The following ANGPTL2 variants were observed in gnomAD, a reference collection of about 807,000 sequenced individuals.
ANGPTL2 encodes the protein angiopoietin-related protein 2.
Under a neutral mutation model 52.8 loss-of-function variants are expected in ANGPTL2, and 25 were observed. The observed-to-expected ratio is 0.47, with a 90% CI of 0.35 to 0.66. ANGPTL2 has a LOEUF of 0.66. ANGPTL2 is among the 30% of genes least tolerant of loss of function. The pLI is 0.01. For synonymous variants in ANGPTL2, 276 were observed against 277.4 expected, an observed-to-expected ratio of 1.00 and a Z score of 0.05; for missense variants, 546 against 656.9, an observed-to-expected ratio of 0.83 and a Z score of 1.84.
intron 2 of ANGPTL2, among the ~76,000 whole-genome samples, chr9:127,094,448 C>A (rs928249713): frequency 6.6e-6 from 1 of 152,188 alleles, no homozygotes; most frequent in Non-Finnish European, 1.5e-5. Context: ...ACAGTTGGCA[C>A]CCTTCAATTC....
chr9:127,118,947 G>A (rs2055748694), intron 1 of ANGPTL2, among the ~76,000 whole-genome samples: 1 of 152,230 alleles, frequency 6.6e-6, no homozygotes, highest in Non-Finnish European at 1.5e-5. Context: ...TGTGGGTGAT[G>A]AGGACCTGAG....
Position 127,088,252 on chromosome 9 carries a change from G to A in ANGPTL2, c.*687C>T, listed in dbSNP as rs1236903917. The A allele has an allele frequency of 1.3e-5, 2 of 152,230 alleles. No individual in the cohort carries two copies. The highest frequency in any genetic ancestry group is 4.8e-5 in the African/African-American group (2 of 41,438). 9.4% of individuals were successfully genotyped at this position (152,230 alleles called of 1,614,324 possible). ...GAATGGGGAAAAGTATGAAAATGTG[G>A]GGGGAGGGATTTTGAAATTTGATTA... On this transcript the variant is annotated 3_prime_UTR_variant, in exon 5 of 5. Coordinates refer to ENST00000373425, the MANE Select transcript of ANGPTL2 (RefSeq NM_012098.3).
rs1052212716 is a variant in ANGPTL2 at position 127,094,025 on chromosome 9, G to C, written c.818-99C>G. The C allele has an allele frequency of 2.5e-5, 34 of 1,373,166 alleles. No homozygotes were observed. The Admixed American group carries it at 6.4e-4, about 26-fold the overall frequency. 85.1% of individuals were successfully genotyped at this position (1,373,166 alleles called of 1,614,324 possible). A position where few individuals can be genotyped will look rare whatever the true frequency, so the allele number is the denominator to read the frequency against. On this transcript the variant is annotated intron_variant, in intron 2 of 4. Coordinates refer to ENST00000373425, the MANE Select transcript of ANGPTL2 (RefSeq NM_012098.3). Reference sequence around the variant, plus strand: ...AGGCACAACCTCTGTTGAGGCTCCAGCTGGGAGCCACAGGCCCACGGTCTG... The same window carrying C: ...AGGCACAACCTCTGTTGAGGCTCCACCTGGGAGCCACAGGCCCACGGTCTG...
intron 1 of ANGPTL2, among the ~76,000 whole-genome samples, chr9:127,115,957 A>G (rs560115776): frequency 3.3e-5 from 5 of 152,266 alleles, no homozygotes; most frequent in African/African-American, 1.2e-4. Flanking sequence ...CTGGCTGAGG[A>G]TGCTATGAAT....
intron 2 of ANGPTL2, among the ~76,000 whole-genome samples, chr9:127,094,361 A>G (rs547129901): frequency 6.6e-6 from 1 of 152,244 alleles, no homozygotes; most frequent in Admixed American, 6.5e-5. Flanking sequence ...AACATCAGTC[A>G]GTGCCTGCAG....
rs1564558832 is a variant in ANGPTL2, at chr9:127,091,310, GCAGTT to G, written c.1282+355_1282+359del. On this transcript the variant is annotated intron_variant, in intron 4 of 4. Transcript: ENST00000373425. The surrounding 1 kb of genome is among the most constrained non-coding windows in gnomAD (Gnocchi z 4.3). ...CCCAGGTGTGTGGCCCAGAGCCTAC[GCAGTT>G]GGTTAGCTCTATACCAGGTGCCTGG... Among the ~76,000 whole-genome samples the G allele has an allele frequency of 6.6e-6, 1 of 152,238 alleles. No individual in the cohort carries two copies. Among genetic ancestry groups the G allele is most frequent in the Non-Finnish European group, 1.5e-5 (1 of 68,042 alleles).
chr9:127,116,493 G>A (rs2055435911), intron 1 of ANGPTL2, among the ~76,000 whole-genome samples: 1 of 152,234 alleles, frequency 6.6e-6, no homozygotes, highest in South Asian at 2.1e-4. Context: ...AGGCGGGGAA[G>A]AGTCTGCAGA....
intron 1 of ANGPTL2, among the ~76,000 whole-genome samples, chr9:127,115,993 G>C (rs1384571213): frequency 6.6e-6 from 1 of 152,206 alleles, no homozygotes; most frequent in Non-Finnish European, 1.5e-5. Flanking sequence ...GGCACCTGGG[G>C]AGTCTGGAGT....
chr9:127,104,825 T>G (rs2136971655), intron 2 of ANGPTL2, among the ~76,000 whole-genome samples: 1 of 152,282 alleles, frequency 6.6e-6, no homozygotes, highest in East Asian at 1.9e-4. Context: ...GCAAAGGTGT[T>G]TAATTGCAAA....
chr9:127,093,314 TTC>T (rs1371080421), intron 3 of ANGPTL2, among the ~76,000 whole-genome samples: 3 of 152,154 alleles, frequency 2.0e-5, no homozygotes, highest in Non-Finnish European at 4.4e-5. Context: ...TTTTGGGGGA[TTC>T]TCCCAGGAAC....
intron 1 of ANGPTL2, among the ~76,000 whole-genome samples, chr9:127,110,776 C>T (rs902477608): frequency 6.6e-6 from 1 of 152,154 alleles, no homozygotes; most frequent in Non-Finnish European, 1.5e-5. Flanking sequence ...TAATTCACCG[C>T]CAAATTACGA....
At chr9:127,098,944 A>C (rs949345373) in intron 2 of ANGPTL2, among the ~76,000 whole-genome samples, 1 of 152,226 alleles carries the variant, frequency 6.6e-6, no homozygotes, top group Non-Finnish European at 1.5e-5. Context: ...ATCAGCTCTC[A>C]GTGCAGTGCC....
At chr9:127,098,230 A>G (rs1249672263) in intron 2 of ANGPTL2, among the ~76,000 whole-genome samples, 1 of 152,198 alleles carries the variant, frequency 6.6e-6, no homozygotes, top group Non-Finnish European at 1.5e-5. Context: ...TTTTTTGTCA[A>G]TGAAACTGAG....
At chr9:127,105,150 G>T (rs2054099372) in intron 2 of ANGPTL2, among the ~76,000 whole-genome samples, 1 of 152,220 alleles carries the variant, frequency 6.6e-6, no homozygotes, top group Admixed American at 6.5e-5. Flanking sequence ...TGGGAGCTCA[G>T]TGGTGAGATG....
intron 3 of ANGPTL2, among the ~76,000 whole-genome samples, chr9:127,092,227 C>T (rs981676657): frequency 3.9e-5 from 6 of 152,246 alleles, no homozygotes; most frequent in East Asian, 3.8e-4. Flanking sequence ...TGCAGGAACA[C>T]GTGTGCTGTG....
chr9:127,094,058 C>T (rs1254374092), intron 2 of ANGPTL2, 132 bp from the exon 3 acceptor site: 4 of 1,011,990 alleles, frequency 4.0e-6, no homozygotes, highest in Non-Finnish European at 5.6e-6. Context: ...CTGAGGTAAC[C>T]AATTTTTGTT....
At position 127,108,240 on chromosome 9, in the gene ANGPTL2, G is replaced by A. The variant is rs1468838587; in HGVS notation, c.492C>T (p.Asn164=). Residue 164 remains asparagine, a synonymous_variant, in exon 2 of 5, where the codon AAC becomes AAT. Transcript: ENST00000373425. ...CCAGCTGCAGCATGTCGGCTGTCTG[G>A]TTCAGGATCCTGTTCTCCAGCTGGG... ...ELSQLENRIL[N]QTADMLQLAS... The A allele has an allele frequency of 6.2e-6, 10 of 1,614,058 alleles. No homozygotes were observed. Among genetic ancestry groups the A allele is most frequent in the Non-Finnish European group, 7.6e-6 (9 of 1,180,008 alleles).
intron 3 of ANGPTL2, among the ~76,000 whole-genome samples, chr9:127,092,413 C>T (rs2052594764): frequency 6.6e-6 from 1 of 152,082 alleles, no homozygotes; most frequent in Non-Finnish European, 1.5e-5. Context: ...TCCACCGGCG[C>T]TCCCCTCTAG....
rs190560781 is a variant in ANGPTL2 at position 127,121,248 on chromosome 9, T to A, written c.-50+1067A>T. Among the ~76,000 whole-genome samples the A allele has an allele frequency of 3.9e-5, 6 of 152,328 alleles. No homozygotes were observed. In the East Asian group the frequency reaches 7.7e-4, roughly 20 times the overall value. On this transcript the variant is annotated intron_variant, in intron 1 of 4. Transcript: ENST00000373425. ...CATTGTTACCACCTGGGCAGTATTA[T>A]CCCATTTCACAGATAAGAAAACTGA...
Sources: gnomAD v4.1 joint callset for allele counts (sites outside exome capture counted in the v4.1 genomes callset) on GRCh38, gnomAD v4.1.1 for gene constraint, Gnocchi (gnomAD v3.1) non-coding constraint, MANE v1.5 for transcripts, NCBI Gene and HGNC (gene_info 2026-07-23, HGNC 2026-07-21) for gene names.